The following MAP1LC3B variants were observed in gnomAD, a reference collection of about 807,000 sequenced individuals.
The protein encoded by MAP1LC3B is microtubule associated protein 1 light chain 3 beta.
MAP1LC3B carries 12 observed loss-of-function variants against 16.7 expected under a neutral mutation model. The ratio of observed to expected loss-of-function variants is 0.72; its 90% confidence interval spans 0.46 to 1.16. The LOEUF is 1.16. Among genes scored for constraint, MAP1LC3B ranks in the 50% most tolerant of loss-of-function variants. The pLI is 0.00. For synonymous variants in MAP1LC3B, 63 were observed against 56.5 expected, an observed-to-expected ratio of 1.11 and a Z score of -0.51; for missense variants, 155 against 159.5, an observed-to-expected ratio of 0.97 and a Z score of 0.15.
At chr16:87,400,653 G>T (rs1597390804) in intron 2 of MAP1LC3B, among the ~76,000 whole-genome samples, 2 of 151,300 alleles carry the variant, frequency 1.3e-5, no homozygotes, top group Admixed American at 1.3e-4. Context: ...AAAACATTGA[G>T]CATATTACTA....
chr16:87,402,616 A>G, intron 3 of MAP1LC3B: 1 of 539,224 alleles, frequency 1.9e-6, no homozygotes, highest in Non-Finnish European at 3.2e-6. Flanking sequence ...AGTGGCAGTA[A>G]ATGGCACAGG....
chr16:87,392,662 G>A (rs1290980490), intron 1 of MAP1LC3B, 195 bp downstream of exon 1: 13 of 316,682 alleles, frequency 4.1e-5, no homozygotes, highest in Non-Finnish European at 9.8e-6. Context: ...CGAGCCGGGA[G>A]GGCCAGGGGC....
intron 1 of MAP1LC3B, among the ~76,000 whole-genome samples, chr16:87,396,144 A>T (rs1184439554): frequency 6.6e-6 from 1 of 150,978 alleles, no homozygotes; most frequent in Non-Finnish European, 1.5e-5. Flanking sequence ...TACGAGCGTG[A>T]GCCACCGCAC....
chr16:87,393,214 C>T (rs1907669196), intron 1 of MAP1LC3B: 1 of 152,268 alleles, frequency 6.6e-6, no homozygotes. Flanking sequence ...CTTAGGTGTG[C>T]TGGCATTTGG....
intron 2 of MAP1LC3B, among the ~76,000 whole-genome samples, chr16:87,401,208 T>G (rs1461470945): frequency 6.6e-6 from 1 of 151,900 alleles, no homozygotes; most frequent in Non-Finnish European, 1.5e-5. Flanking sequence ...GTTTCAGATG[T>G]TTTGTGCTTG....
chr16:87,394,980 A>G (rs1034098935), intron 1 of MAP1LC3B, among the ~76,000 whole-genome samples: 3 of 135,214 alleles, frequency 2.2e-5, no homozygotes, highest in Non-Finnish European at 4.7e-5. Context: ...ATTGGCCTCA[A>G]GTGATCCTCC....
chr16:87,401,819 C>T (rs906518038), intron 2 of MAP1LC3B, among the ~76,000 whole-genome samples: 2 of 151,522 alleles, frequency 1.3e-5, no homozygotes, highest in Non-Finnish European at 2.9e-5. Flanking sequence ...CATGTGCCAC[C>T]ATGCCCAGCC....
Position 87,403,016 on chromosome 16 carries a change from TGA to T in MAP1LC3B, c.301_302del (p.Ser101Ter), listed in dbSNP as rs768028866. 1.2e-6 allele frequency: 2 copies of T among 1,612,268 alleles called. No homozygotes were observed. Among genetic ancestry groups the T allele is most frequent in the African/African-American group, 2.7e-5 (2 of 74,850 alleles). On this transcript the variant is annotated frameshift_variant, in exon 4 of 4. Coordinates refer to ENST00000268607, the MANE Select transcript of MAP1LC3B (RefSeq NM_022818.5). LOFTEE classifies it high-confidence loss of function. Reference sequence around the variant, plus strand: ...TCTCCACACCAATCTCAGAGGTGTATGAGAGTGAGAAAGATGAAGATGGATTC... The same window carrying T: ...TCTCCACACCAATCTCAGAGGTGTATGAGTGAGAAAGATGAAGATGGATTC... ...SVSTPISEVYESEKDEDGFLY... is the reference protein window; with the variant it reads ...SVSTPISEVYXSEKDEDGFLY...
In MAP1LC3B at chr16:87,400,986, A is replaced by G. The variant is rs932920238; in HGVS notation, c.97-1189A>G. On this transcript the variant is annotated intron_variant, in intron 2 of 3. Coordinates refer to ENST00000268607, the MANE Select transcript of MAP1LC3B (RefSeq NM_022818.5). Reference sequence around the variant, plus strand: ...CATCTCTACTAAAAATACAAAAATTAGCTGGGCGTGGTGGCGGGTGCCTGT... The same window carrying G: ...CATCTCTACTAAAAATACAAAAATTGGCTGGGCGTGGTGGCGGGTGCCTGT... Among the ~76,000 whole-genome samples, 16 of 152,178 alleles carry G rather than the reference A, an allele frequency of 1.1e-4. No homozygotes were observed. The East Asian group carries it at 2.5e-3, about 24-fold the overall frequency.
chr16:87,392,497 G>A (rs1907618431), intron 1 of MAP1LC3B, 30 bp downstream of exon 1: 3 of 1,300,168 alleles, frequency 2.3e-6, no homozygotes, highest in Non-Finnish European at 1.9e-6. Flanking sequence ...CGGCGGGTGC[G>A]GCGGGGCCGG....
intron 1 of MAP1LC3B, among the ~76,000 whole-genome samples, chr16:87,394,181 GC>G (rs1907718510): frequency 1.3e-5 from 2 of 151,066 alleles, no homozygotes; most frequent in Middle Eastern, 3.4e-3. Flanking sequence ...CCTTTATTTT[GC>G]CCCCTCCCCT....
At chr16:87,401,178 T>TAC (rs1050009070) in intron 2 of MAP1LC3B, among the ~76,000 whole-genome samples, 1 of 147,944 alleles carries the variant, frequency 6.8e-6, no homozygotes, top group African/African-American at 2.5e-5. Flanking sequence ...TCTCAGGATA[T>TAC]GGTAGTTTTG....
chr16:87,395,439 A>G (rs547540435), intron 1 of MAP1LC3B, among the ~76,000 whole-genome samples: 4 of 152,236 alleles, frequency 2.6e-5, no homozygotes, highest in Non-Finnish European at 4.4e-5. Context: ...ACAAAAACAG[A>G]TGATTACAGC....
chr16:87,402,227 C>G lies in MAP1LC3B; in HGVS notation c.149C>G (p.Thr50Arg), dbSNP rs1257261961. Residue 50 changes from threonine to arginine, a missense_variant, in exon 3 of 4, where the codon ACA (threonine) becomes AGA (arginine). Coordinates refer to ENST00000268607, the MANE Select transcript of MAP1LC3B (RefSeq NM_022818.5). The stretch of plus-strand genomic sequence containing the variant: ...AAGCAGCTTCCTGTTCTGGATAAAA[C>G]AAAGTTCCTTGTACCTGACCATGTC... ...GEKQLPVLDK[T>R]KFLVPDHVNM... 9.3e-6 allele frequency: 15 copies of G among 1,614,170 alleles called. No individual in the cohort carries two copies. The highest frequency in any genetic ancestry group is 1.3e-5 in the African/African-American group (1 of 75,054).
chr16:87,393,173 C>T (rs1357301254), intron 1 of MAP1LC3B: 4 of 152,292 alleles, frequency 2.6e-5, no homozygotes, highest in African/African-American at 7.2e-5. Context: ...CGAATACATC[C>T]CTTTTCTGCC....
chr16:87,401,569 A>G (rs115474472), intron 2 of MAP1LC3B, among the ~76,000 whole-genome samples: 81 of 152,342 alleles, frequency 5.3e-4, no homozygotes, highest in African/African-American at 1.8e-3. Flanking sequence ...GTCTAGCTCT[A>G]TGCCCTAGGC....
rs894733786 is a variant in MAP1LC3B at position 87,404,729 on chromosome 16, A to ATTTT, written c.*1634_*1637dup. 15 of 152,226 alleles carry ATTTT rather than the reference A, an allele frequency of 9.9e-5. No homozygotes were observed. Among genetic ancestry groups the ATTTT allele is most frequent in the Admixed American group, 6.5e-5 (1 of 15,282 alleles). 9.4% of individuals were successfully genotyped at this position (152,226 alleles called of 1,614,324 possible). A position where few individuals can be genotyped will look rare whatever the true frequency, so the allele number is the denominator to read the frequency against. On this transcript the variant is annotated 3_prime_UTR_variant, in exon 4 of 4. Coordinates refer to ENST00000268607, the MANE Select transcript of MAP1LC3B (RefSeq NM_022818.5). ...ACTTTATTTATAGGATCTTTAAAAC[A>ATTTT]TTTTTAATGAACTAAGTTGAATAAA...
At chr16:87,393,759 G>A (rs533993015) in intron 1 of MAP1LC3B, among the ~76,000 whole-genome samples, 31 of 152,006 alleles carry the variant, frequency 2.0e-4, no homozygotes, top group Admixed American at 3.3e-4. Flanking sequence ...TTTTTATTTT[G>A]AGACAGGGTC....
chr16:87,398,960 A>G (rs1907895843), intron 2 of MAP1LC3B, 90 bp downstream of exon 2: 1 of 1,142,964 alleles, frequency 8.7e-7, no homozygotes, highest in Non-Finnish European at 1.3e-6. Flanking sequence ...TTTTACAGGA[A>G]TCACCAGACA....
Sources: allele counts gnomAD v4.1 joint callset (sites outside exome capture counted in the v4.1 genomes callset), GRCh38; gene constraint gnomAD v4.1.1; transcripts MANE v1.5; gene names NCBI Gene and HGNC (gene_info 2026-07-23, HGNC 2026-07-21).